The following ADAMTSL1 variants were observed in gnomAD, a reference collection of about 807,000 sequenced individuals.
The protein encoded by ADAMTSL1 is ADAMTS like 1.
Under a neutral mutation model 201.8 loss-of-function variants are expected in ADAMTSL1, and 126 were observed. The ratio of observed to expected loss-of-function variants is 0.62; its 90% CI spans 0.54 to 0.72. The LOEUF (loss-of-function observed/expected upper bound fraction) is 0.72. Ranked by LOEUF, ADAMTSL1 falls within the 30% of genes least tolerant of loss-of-function variation. ADAMTSL1 has a pLI of 0.00. For synonymous variants in ADAMTSL1, 1,121 were observed against 903.4 expected, an observed-to-expected ratio of 1.24 and a Z score of -4.32; for missense variants, 2,679 against 2,277.8, an observed-to-expected ratio of 1.18 and a Z score of -3.59.
chr9:18,381,599 G>A (rs1837557127), intron 2 of ADAMTSL1, among the ~76,000 whole-genome samples: 1 of 152,124 alleles, frequency 6.6e-6, no homozygotes, highest in African/African-American at 2.4e-5. Context: ...TTCACTTGGA[G>A]AAGAAAGAAT....
intron 3 of ADAMTSL1, among the ~76,000 whole-genome samples, chr9:18,569,153 G>C (rs190943542): frequency 0.012 from 1,782 of 152,232 alleles, 15 homozygotes; most frequent in Non-Finnish European, 0.019. Flanking sequence ...CTGATCTACT[G>C]TCATCATCAG....
chr9:18,765,856 A>T (rs2133690481), intron 16 of ADAMTSL1, among the ~76,000 whole-genome samples: 1 of 152,322 alleles, frequency 6.6e-6, no homozygotes, highest in East Asian at 1.9e-4. Context: ...GGTAATGGTG[A>T]TAGAGACTGC....
chr9:18,693,413 A>ACTG (rs1831356754), intron 13 of ADAMTSL1, among the ~76,000 whole-genome samples: 1 of 152,224 alleles, frequency 6.6e-6, no homozygotes, highest in South Asian at 2.1e-4. Context: ...GAATAAGCCC[A>ACTG]CTGTGGCTGC....
At chr9:18,649,423 G>C (rs1222883001) in intron 7 of ADAMTSL1, among the ~76,000 whole-genome samples, 1 of 152,182 alleles carries the variant, frequency 6.6e-6, no homozygotes, top group Non-Finnish European at 1.5e-5. Context: ...TTGTTCCGTT[G>C]CTGGTGAGGA....
intron 2 of ADAMTSL1, among the ~76,000 whole-genome samples, chr9:18,451,566 C>A (rs1033106741): frequency 2.0e-5 from 3 of 152,164 alleles, no homozygotes; most frequent in African/African-American, 4.8e-5. Flanking sequence ...ATTACTCAAC[C>A]AGCTCTTGTG....
At chr9:18,259,299 C>T (rs547366049) in intron 2 of ADAMTSL1, among the ~76,000 whole-genome samples, 21 of 152,118 alleles carry the variant, frequency 1.4e-4, no homozygotes, top group South Asian at 4.2e-4. Flanking sequence ...CTGAGGTGAG[C>T]GGACCACTTG....
In ADAMTSL1 at chr9:18,390,299, T is replaced by C. The variant is rs116385085; in HGVS notation, c.208-114530T>C. ...GAGGTAATTTTCCTCCAGGTAATCA[T>C]GACACACTGACACGTAGGGCATGCT... On this transcript the variant is annotated intron_variant, in intron 2 of 29. Coordinates refer to the ADAMTSL1 transcript ENST00000680146. 2.7e-3 allele frequency among the ~76,000 whole-genome samples: 408 copies of C among 152,270 alleles called. 2 individuals carry two copies. Among genetic ancestry groups the C allele is most frequent in the African/African-American group, 9.3e-3 (385 of 41,554 alleles).
At chr9:17,998,035 A>G (rs968818395) in intron 1 of ADAMTSL1, among the ~76,000 whole-genome samples, 2 of 152,038 alleles carry the variant, frequency 1.3e-5, no homozygotes, top group Non-Finnish European at 2.9e-5. Flanking sequence ...CCGTTAATAA[A>G]AATACCCACT....
At chr9:18,646,245 T>C (rs1166851936) in intron 7 of ADAMTSL1, among the ~76,000 whole-genome samples, 6 of 151,952 alleles carry the variant, frequency 3.9e-5, no homozygotes, top group African/African-American at 9.7e-5. Context: ...ATTTTGTATC[T>C]TGAGACTTTG....
intron 1 of ADAMTSL1, among the ~76,000 whole-genome samples, chr9:18,047,432 CA>C (rs970336224): frequency 7.2e-5 from 11 of 152,164 alleles, no homozygotes; most frequent in African/African-American, 2.6e-4. Context: ...GCCTCTATAA[CA>C]AAAAAGTATG....
Position 18,906,844 on chromosome 9 carries a change from A to G in ADAMTSL1, c.5114A>G (p.Glu1705Gly), listed in dbSNP as rs376744991. ...VHARTNKAVP[E>G]HLCSWGPRPA... ...GCCCGCACCAACAAGGCAGTGCCTG[A>G]GCACCTGTGCTCCTGGGGGCCCCGG... The change falls in exon 28 of 29, where the codon GAG becomes GGG. Residue 1705 changes from glutamate to glycine, a missense_variant. Physicochemically the swap from Glu to Gly is moderately conservative, Grantham distance 98 (BLOSUM62 -2). Coordinates refer to ENST00000380548, the MANE Select transcript of ADAMTSL1 (RefSeq NM_001040272.6). 12 of 1,613,890 alleles carry G rather than the reference A, an allele frequency of 7.4e-6. No homozygotes were observed. Among genetic ancestry groups the G allele is most frequent in the Non-Finnish European group, 1.0e-5 (12 of 1,179,892 alleles).
At chr9:18,881,141 T>A (rs1418211574) in intron 23 of ADAMTSL1, among the ~76,000 whole-genome samples, 1 of 152,216 alleles carries the variant, frequency 6.6e-6, no homozygotes, top group African/African-American at 2.4e-5. Context: ...CCACTAAAAC[T>A]TTCTTCGTAT....
chr9:18,778,486 A>G (rs1328835978), intron 19 of ADAMTSL1, among the ~76,000 whole-genome samples: 2 of 152,244 alleles, frequency 1.3e-5, no homozygotes, highest in Non-Finnish European at 2.9e-5. Flanking sequence ...ATGTATCATT[A>G]TCAGGATGAC....
chr9:18,212,757 T>C (rs1221391552), intron 2 of ADAMTSL1, among the ~76,000 whole-genome samples: 1 of 152,178 alleles, frequency 6.6e-6, no homozygotes, highest in Non-Finnish European at 1.5e-5. Context: ...AGACAACTTC[T>C]AGCTCTAGGG....
At chr9:18,821,267 G>C (rs1824193522) in intron 21 of ADAMTSL1, among the ~76,000 whole-genome samples, 1 of 152,070 alleles carries the variant, frequency 6.6e-6, no homozygotes, top group Admixed American at 6.6e-5. Flanking sequence ...GCTTATCTAA[G>C]AGCCCAAAGA....
chr9:18,777,237 C>G lies in ADAMTSL1; in HGVS notation c.3008C>G (p.Ser1003Cys). The G allele has an allele frequency of 6.2e-7, 1 of 1,612,668 alleles. No individual in the cohort carries two copies. The highest frequency in any genetic ancestry group is 8.5e-7 in the Non-Finnish European group (1 of 1,179,718). Residue 1003 changes from serine (S) to cysteine (C), a missense_variant, in exon 19 of 29, where the codon TCC becomes TGC. By Grantham distance (112) the Ser-to-Cys change is moderately radical. Transcript: ENST00000380548. ...CACAAACACCAGAACGGGATCTTCTCCAACGGCAGCAAGGCGGAGAAGCGG... is the reference window on the plus strand; with the variant it reads ...CACAAACACCAGAACGGGATCTTCTGCAACGGCAGCAAGGCGGAGAAGCGG... ...QTHKHQNGIF[S>C]NGSKAEKRGL...
chr9:18,721,652 C>G lies in ADAMTSL1; in HGVS notation c.1993C>G (p.Pro665Ala). ...GCTCCTGAAGTCCTGCAATTTGGATCCCTGCCCAGCAAGGTAAGGGATGTG... is the reference window on the plus strand; with the variant it reads ...GCTCCTGAAGTCCTGCAATTTGGATGCCTGCCCAGCAAGGTAAGGGATGTG... ...PQLLKSCNLDPCPARWEIGKW... is the reference protein window; with the variant it reads ...PQLLKSCNLDACPARWEIGKW... Residue 665 changes from proline (P) to alanine (A), a missense_variant, in exon 15 of 29, where the codon CCC becomes GCC. Transcript: ENST00000380548. 6.2e-7 allele frequency: 1 copy of G among 1,613,900 alleles called. No individual in the cohort carries two copies. The highest frequency in any genetic ancestry group is 8.5e-7 in the Non-Finnish European group (1 of 1,179,832).
At chr9:17,956,014 A>G (rs1185133253) in intron 1 of ADAMTSL1, among the ~76,000 whole-genome samples, 2 of 152,224 alleles carry the variant, frequency 1.3e-5, no homozygotes, top group Non-Finnish European at 2.9e-5. Flanking sequence ...AATAGTTTTG[A>G]AATTATTCAC....
chr9:18,424,859 G>T (rs932072333), intron 2 of ADAMTSL1, among the ~76,000 whole-genome samples: 1 of 152,206 alleles, frequency 6.6e-6, no homozygotes, highest in Non-Finnish European at 1.5e-5. Context: ...CTGTTATGGC[G>T]TTTGAAATGT....
Sources: gnomAD v4.1 joint callset for allele counts (sites outside exome capture counted in the v4.1 genomes callset) on GRCh38, gnomAD v4.1.1 for gene constraint, MANE v1.5 for transcripts, NCBI Gene and HGNC (gene_info 2026-07-23, HGNC 2026-07-21) for gene names.